The following SAMM50 variants were observed in gnomAD, a reference collection of about 807,000 sequenced individuals.
SAMM50 encodes the protein sorting and assembly machinery component 50 homolog.
Under a neutral mutation model 66.9 loss-of-function variants are expected in SAMM50, and 47 were observed. The ratio of observed to expected loss-of-function variants is 0.70; its 90% confidence interval spans 0.56 to 0.90. SAMM50 has a LOEUF of 0.90. SAMM50 is among the 40% of genes least tolerant of loss of function. The pLI is 0.00. For missense variants in SAMM50, 535 were observed against 595.3 expected (o/e 0.90, Z 1.05); for synonymous variants, 191 against 214.1 (o/e 0.89, Z 0.94).
intron 2 of SAMM50, 89 bp from the exon 3 acceptor site, chr22:43,964,362 CA>C (rs1314469493): frequency 1.6e-6 from 1 of 638,906 alleles, no homozygotes; most frequent in East Asian, 2.8e-5. Flanking sequence ...AAAACCTTGA[CA>C]TTAATTAAAC....
At chr22:43,987,099 T>G (rs759934146) in intron 12 of SAMM50, 7 of 152,192 alleles carry the variant, frequency 4.6e-5, no homozygotes, top group Non-Finnish European at 8.8e-5. Flanking sequence ...ACCTGAGAAG[T>G]AAGGCATGCT....
chr22:43,983,207 G>A lies in SAMM50; in HGVS notation c.1008-726G>A, dbSNP rs980664819. On this transcript the variant is annotated intron_variant, in intron 11 of 14. Transcript: ENST00000350028. The surrounding 1 kb of genome is among the most constrained non-coding windows in gnomAD (Gnocchi z 4.2). ...TCAGAGGGCTCTGAGGGCACCTGCCGGGGTTGTGTCCTTGGCTGCCTCTTG... is the reference window on the plus strand; with the variant it reads ...TCAGAGGGCTCTGAGGGCACCTGCCAGGGTTGTGTCCTTGGCTGCCTCTTG... 2.0e-5 allele frequency among the ~76,000 whole-genome samples: 3 copies of A among 152,208 alleles called. No individual in the cohort carries two copies. The highest frequency in any genetic ancestry group is 7.2e-5 in the African/African-American group (3 of 41,454).
intron 4 of SAMM50, among the ~76,000 whole-genome samples, chr22:43,971,795 C>G (rs1603419083): frequency 6.6e-6 from 1 of 152,064 alleles, no homozygotes; most frequent in South Asian, 2.1e-4. Flanking sequence ...ACTGCAGCCT[C>G]CAACTGCTGG....
At chr22:43,984,644 T>A (rs1473688155) in intron 12 of SAMM50, among the ~76,000 whole-genome samples, 1 of 147,652 alleles carries the variant, frequency 6.8e-6, no homozygotes, top group East Asian at 2.1e-4. Flanking sequence ...TCATTATTAT[T>A]TTGAGACAGA....
At chr22:43,988,986 G>C in intron 12 of SAMM50, 125 bp from the exon 13 acceptor site, 1 of 815,854 alleles carries the variant, frequency 1.2e-6, no homozygotes, top group Non-Finnish European at 1.9e-6. Flanking sequence ...ACAGCTGCTT[G>C]CAAACTCCAG....
rs182331873 is a variant in SAMM50, at chr22:43,955,473, G to T, written c.-105G>T. 1,460 of 1,354,722 alleles carry T rather than the reference G, an allele frequency of 1.1e-3. 4 individuals are homozygous for T. The African/African-American group carries it at 0.011, about 10-fold the overall frequency. The allele number at this position is 1,354,722 out of a possible 1,614,324, so 83.9% of individuals were successfully genotyped here. ...CCGCGTCCGGGGGTTTGTGGGAGTT[G>T]CCTTGACCTGCAGCTCCGCCACCGC... On this transcript the variant is annotated 5_prime_UTR_variant, in exon 1 of 15. Coordinates refer to ENST00000350028, the MANE Select transcript of SAMM50 (RefSeq NM_015380.5).
intron 1 of SAMM50, among the ~76,000 whole-genome samples, chr22:43,960,611 C>T (rs889589232): frequency 2.6e-5 from 4 of 152,144 alleles, no homozygotes; most frequent in Non-Finnish European, 2.9e-5. Flanking sequence ...CACCTGTAAT[C>T]CCAGCTAGCT....
In SAMM50 at chr22:43,966,656, C is replaced by T. The variant is rs531292537; in HGVS notation, c.235-2075C>T. On this transcript the variant is annotated intron_variant, in intron 3 of 14. Transcript: ENST00000350028. ...CAGGTGTGAGCCACTGCACCCGGCCCACAAGTCCACTCTCTTACAGCAGTC... is the reference window on the plus strand; with the variant it reads ...CAGGTGTGAGCCACTGCACCCGGCCTACAAGTCCACTCTCTTACAGCAGTC... 5.5e-4 allele frequency among the ~76,000 whole-genome samples: 84 copies of T among 152,230 alleles called. 3 individuals carry two copies. The South Asian group carries it at 0.017, about 31-fold the overall frequency.
chr22:43,990,123 C>T, intron 13 of SAMM50, 142 bp from the exon 14 acceptor site: 1 of 882,910 alleles, frequency 1.1e-6, no homozygotes, highest in Non-Finnish European at 1.7e-6. Context: ...AATCTCACTT[C>T]ATGCATCCTC....
chr22:43,974,433 C>T (rs2050220739), intron 7 of SAMM50, among the ~76,000 whole-genome samples: 1 of 152,192 alleles, frequency 6.6e-6, no homozygotes, highest in Non-Finnish European at 1.5e-5. Context: ...TGGTAAAGCT[C>T]CTGATGCGGC....
At position 43,990,350 on chromosome 22, in the gene SAMM50, C is replaced by A; in HGVS notation, c.1308C>A (p.Asn436Lys). ...YGAGIVLRLGNIARLELNYCV... is the reference protein window; with the variant it reads ...YGAGIVLRLGKIARLELNYCV... Reference sequence around the variant, plus strand: ...CCGGGATTGTCCTCAGGCTTGGCAACATCGCTCGGTTGGAACTTAATTACT... The same window carrying A: ...CCGGGATTGTCCTCAGGCTTGGCAAAATCGCTCGGTTGGAACTTAATTACT... Residue 436 changes from asparagine (N) to lysine (K), a missense_variant, in exon 14 of 15, where the codon AAC becomes AAA. Coordinates refer to ENST00000350028, the MANE Select transcript of SAMM50 (RefSeq NM_015380.5). The A allele has an allele frequency of 6.2e-7, 1 of 1,614,176 alleles. No homozygotes were observed. The highest frequency in any genetic ancestry group is 2.2e-5 in the East Asian group (1 of 44,874).
At chr22:43,964,712 G>A (rs562790032) in intron 3 of SAMM50, among the ~76,000 whole-genome samples, 159 bp downstream of exon 3, 11 of 152,194 alleles carry the variant, frequency 7.2e-5, no homozygotes, top group Admixed American at 3.3e-4. Context: ...TGAACCCCCC[G>A]AATTCCTGTG....
At chr22:43,978,537 T>C (rs555640660) in intron 10 of SAMM50, among the ~76,000 whole-genome samples, 2 of 151,216 alleles carry the variant, frequency 1.3e-5, no homozygotes, top group East Asian at 2.0e-4. Flanking sequence ...GAGGGGTGGC[T>C]GGAGGACAGA....
At chr22:43,985,762 G>A (rs1268878702) in intron 12 of SAMM50, among the ~76,000 whole-genome samples, 1 of 151,944 alleles carries the variant, frequency 6.6e-6, no homozygotes, top group African/African-American at 2.4e-5. Flanking sequence ...TTAAGAGCAC[G>A]CCTCCCCTTT....
rs1470761720 is a variant in SAMM50, at chr22:43,989,115, CT to C, written c.1081del (p.Tyr361ThrfsTer2). On this transcript the variant is annotated frameshift_variant, in exon 13 of 15. Coordinates refer to ENST00000350028, the MANE Select transcript of SAMM50 (RefSeq NM_015380.5). LOFTEE classifies it high-confidence loss of function. Reference sequence around the variant, plus strand: ...CTGCACCCCTCCTTTGCTTAGGAGACTACCTAGGTGGAGAAGCGTACTGGGC... The same window carrying C: ...CTGCACCCCTCCTTTGCTTAGGAGACACCTAGGTGGAGAAGCGTACTGGGC... Reference protein sequence around the residue: ...HSIGPQSEGDYLGGEAYWAGG... With the variant: ...HSIGPQSEGDXLGGEAYWAGG... 6.2e-7 allele frequency: 1 copy of C among 1,613,574 alleles called. No individual in the cohort carries two copies. Among genetic ancestry groups the C allele is most frequent in the Non-Finnish European group, 8.5e-7 (1 of 1,179,806 alleles).
At chr22:43,977,534 T>C (rs2050239043) in intron 9 of SAMM50, among the ~76,000 whole-genome samples, 1 of 152,140 alleles carries the variant, frequency 6.6e-6, no homozygotes, top group Non-Finnish European at 1.5e-5. Context: ...ATAGCCCACA[T>C]TGTGAAAGGT....
rs144620251 is a variant in SAMM50, at chr22:43,977,722, A to G, written c.850-150A>G. The G allele has an allele frequency of 2.9e-3, 1,647 of 570,720 alleles. 23 individuals are homozygous for G. The highest frequency in any genetic ancestry group is 0.028 in the African/African-American group (1,485 of 52,756). 35.4% of individuals were successfully genotyped at this position (570,720 alleles called of 1,614,324 possible). ...CCGTCCACTGTTGCTGTCCGCAACA[A>G]TTAGGATGTGGCTTCTAGGAGACAG... On this transcript the variant is annotated intron_variant, in intron 9 of 14. Coordinates refer to ENST00000350028, the MANE Select transcript of SAMM50 (RefSeq NM_015380.5).
intron 12 of SAMM50, chr22:43,987,929 G>GA (rs1569035376): frequency 6.6e-6 from 1 of 151,668 alleles, no homozygotes; most frequent in Non-Finnish European, 1.5e-5. Context: ...CACAGAGAGA[G>GA]AGAGAGCAAG....
chr22:43,961,644 GT>G (rs2050147641), intron 1 of SAMM50, among the ~76,000 whole-genome samples: 1 of 152,124 alleles, frequency 6.6e-6, no homozygotes, highest in Non-Finnish European at 1.5e-5. Flanking sequence ...TAGAGATGGA[GT>G]TTCACCATGT....
Sources: gnomAD v4.1 joint callset for allele counts (sites outside exome capture counted in the v4.1 genomes callset) on GRCh38, gnomAD v4.1.1 for gene constraint, Gnocchi (gnomAD v3.1) non-coding constraint, MANE v1.5 for transcripts, NCBI Gene and HGNC (gene_info 2026-07-23, HGNC 2026-07-21) for gene names.